ANKRD30A: variants seen among roughly 807,000 people sequenced by gnomAD.
ANKRD30A encodes the protein ankyrin repeat domain-containing protein 30A.
In ANKRD30A, 170 loss-of-function variants were observed where a neutral mutation model predicts 166.3. The observed-to-expected ratio is 1.02, with a 90% CI of 0.90 to 1.16. ANKRD30A has a LOEUF of 1.16. Among genes scored for constraint, ANKRD30A ranks in the 50% most tolerant of loss-of-function variants. The pLI is 0.00. For synonymous variants in ANKRD30A, 564 were observed against 508.9 expected, an observed-to-expected ratio of 1.11 and a Z score of -1.46; for missense variants, 1,630 against 1,518.0, an observed-to-expected ratio of 1.07 and a Z score of -1.23.
intron 13 of ANKRD30A, among the ~76,000 whole-genome samples, chr10:37,153,880 G>C (rs1283167596): frequency 1.3e-5 from 2 of 152,124 alleles, no homozygotes; most frequent in Non-Finnish European, 2.9e-5. Context: ...TTGAATTCAA[G>C]ATATTGCAAG....
At chr10:37,230,513 G>A (rs1308744967) in intron 34 of ANKRD30A, among the ~76,000 whole-genome samples, 1 of 151,968 alleles carries the variant, frequency 6.6e-6, no homozygotes, top group Non-Finnish European at 1.5e-5. Flanking sequence ...TATTTTTGAA[G>A]CATTTAATTT....
chr10:37,257,239 T>G, the ANKRD30A span, among the ~76,000 whole-genome samples: 1 of 152,106 alleles, frequency 6.6e-6, no homozygotes, highest in East Asian at 1.9e-4. Context: ...TCAGTGATGG[T>G]ATCCCCTTTA....
intron 24 of ANKRD30A, chr10:37,178,435 C>G: frequency 1.4e-6 from 1 of 730,884 alleles, no homozygotes; most frequent in Non-Finnish European, 1.7e-6. Context: ...GAGATTCAGC[C>G]GACCTGGGAT....
In ANKRD30A at chr10:37,228,323, T is replaced by TG. The variant is rs1196320608; in HGVS notation, c.4186-3137dup. Among the ~76,000 whole-genome samples the TG allele has an allele frequency of 7.9e-5, 12 of 152,116 alleles. 1 individual carries two copies. Among genetic ancestry groups the TG allele is most frequent in the African/African-American group, 2.9e-4 (12 of 41,534 alleles). ...GTTAACTTCTTCATATAGACAAACT[T>TG]GAAGTACAGTGAAGGAGAAATTGTA... On this transcript the variant is annotated intron_variant, in intron 34 of 35. Coordinates refer to ENST00000361713, the MANE Select transcript of ANKRD30A (RefSeq NM_052997.3).
intron 31 of ANKRD30A, among the ~76,000 whole-genome samples, chr10:37,207,836 A>G (rs2132711536): frequency 6.6e-6 from 1 of 152,252 alleles, no homozygotes; most frequent in South Asian, 2.1e-4. Context: ...CATAAATTTC[A>G]TTGATAGAAA....
At chr10:37,178,832 A>T (rs1839939254) in intron 24 of ANKRD30A, among the ~76,000 whole-genome samples, 1 of 150,776 alleles carries the variant, frequency 6.6e-6, no homozygotes, top group Non-Finnish European at 1.5e-5. Context: ...GAAGCCAGCT[A>T]GATGATTTTG....
chr10:37,162,782 A>G lies in ANKRD30A; in HGVS notation c.1936A>G (p.Thr646Ala). Residue 646 changes from threonine (T) to alanine (A), a missense_variant, in exon 17 of 36, where the codon ACT (threonine) becomes GCT (alanine). By Grantham distance (58) the Thr-to-Ala change is moderately conservative. Transcript: ENST00000361713. ...PGKPSAFEPA[T>A]EMQKSVPNKA... is the part of the protein sequence containing the mutation. ...TGCTTCCAACCCCATTTAGCCTGCC[A>G]CTGAAATGCAAAAGTCTGTCCCAAA... 1 of 1,613,786 alleles carries G rather than the reference A, an allele frequency of 6.2e-7. No individual in the cohort carries two copies. Among genetic ancestry groups the G allele is most frequent in the Non-Finnish European group, 8.5e-7 (1 of 1,179,794 alleles).
chr10:37,190,839 T>G (rs1242219668), intron 25 of ANKRD30A, among the ~76,000 whole-genome samples: 2 of 151,648 alleles, frequency 1.3e-5, no homozygotes, highest in Non-Finnish European at 2.9e-5. Flanking sequence ...TATATAGATG[T>G]ATGTATGTAT....
At position 37,231,467 on chromosome 10, in the gene ANKRD30A, T is replaced by G. The variant is rs1221498074; in HGVS notation, c.4192T>G (p.Ter1398GlyextTer62). ...EKEKAETENS[*>G] is the part of the protein sequence containing the mutation. The stretch of plus-strand genomic sequence containing the variant: ...CCTTTTGCAATCTTCACAGAACTCA[T>G]GAGAGACAAGCAGTAAGAAACTTCT... The change falls in exon 35 of 36, where the codon TGA becomes GGA. Residue 1398 changes from the stop codon to glycine (G), a stop_lost. Coordinates refer to ENST00000361713, the MANE Select transcript of ANKRD30A (RefSeq NM_052997.3). The G allele has an allele frequency of 1.3e-6, 2 of 1,587,876 alleles. No individual in the cohort carries two copies. Among genetic ancestry groups the G allele is most frequent in the South Asian group, 2.3e-5 (2 of 86,896 alleles).
At chr10:37,217,081 T>G (rs903721685) in intron 32 of ANKRD30A, among the ~76,000 whole-genome samples, 7 of 151,034 alleles carry the variant, frequency 4.6e-5, no homozygotes, top group African/African-American at 1.7e-4. Context: ...TCTGTCTTGT[T>G]CTAAAAGAGA....
At chr10:37,197,868 T>C (rs1841273928) in intron 29 of ANKRD30A, among the ~76,000 whole-genome samples, 1 of 152,044 alleles carries the variant, frequency 6.6e-6, no homozygotes, top group Non-Finnish European at 1.5e-5. Context: ...AACACTCGTG[T>C]TTTAACTTGA....
intron 29 of ANKRD30A, among the ~76,000 whole-genome samples, chr10:37,198,567 T>C (rs1169602723): frequency 5.3e-5 from 8 of 152,080 alleles, no homozygotes; most frequent in Admixed American, 1.3e-4. Flanking sequence ...CACCAAGAAT[T>C]TGAACTGTGC....
rs1237058559 is a variant in ANKRD30A, at chr10:37,148,801, G to A, written c.1544-850G>A. Among the ~76,000 whole-genome samples, 3 of 152,150 alleles carry A rather than the reference G, an allele frequency of 2.0e-5. No individual in the cohort carries two copies. The East Asian group carries it at 5.8e-4, about 29-fold the overall frequency. On this transcript the variant is annotated intron_variant, in intron 9 of 35. Coordinates refer to ENST00000361713, the MANE Select transcript of ANKRD30A (RefSeq NM_052997.3). ...CATTGGCTTTATATTTTAAGAAAGT[G>A]AGTTGTTTTGGTAAAATTGTCATTC...
chr10:37,222,918 T>C (rs1270878975), intron 34 of ANKRD30A, among the ~76,000 whole-genome samples: 1 of 151,518 alleles, frequency 6.6e-6, no homozygotes, highest in East Asian at 1.9e-4. Flanking sequence ...ACATGCTACC[T>C]GTTATTGTGT....
chr10:37,264,459 G>T, the ANKRD30A span: 2 of 199,704 alleles, frequency 1.0e-5, no homozygotes, highest in African/African-American at 2.3e-5. Flanking sequence ...GGATTCTGTA[G>T]TGGGTGGAGT....
At chr10:37,172,119 G>T (rs1839614659) in intron 21 of ANKRD30A, among the ~76,000 whole-genome samples, 1 of 128,832 alleles carries the variant, frequency 7.8e-6, no homozygotes, top group South Asian at 2.2e-4. Flanking sequence ...GCCGTGACTG[G>T]CAGATCACGA....
intron 34 of ANKRD30A, among the ~76,000 whole-genome samples, chr10:37,222,431 T>C (rs1353244109): frequency 6.6e-6 from 1 of 151,340 alleles, no homozygotes; most frequent in Non-Finnish European, 1.5e-5. Flanking sequence ...TTGTAGTACA[T>C]ATCAGTACTT....
At chr10:37,194,579 T>C (rs1387151204) in intron 27 of ANKRD30A, among the ~76,000 whole-genome samples, 2 of 152,054 alleles carry the variant, frequency 1.3e-5, no homozygotes, top group Admixed American at 6.6e-5. Flanking sequence ...TCTCCTGACC[T>C]TGTGATGCGC....
Position 37,218,978 on chromosome 10 carries a change from A to T in ANKRD30A, c.3268-2A>T. 6.4e-7 allele frequency: 1 copy of T among 1,559,924 alleles called. No individual in the cohort carries two copies. Reference sequence around the variant, plus strand: ...GCTAAAAGTTTATTTTGTTTTATTTAGGTTTCTCACACTCATGAAAATGAA... The same window carrying T: ...GCTAAAAGTTTATTTTGTTTTATTTTGGTTTCTCACACTCATGAAAATGAA... On this transcript the variant is annotated splice_acceptor_variant, in intron 33 of 35. Coordinates refer to ENST00000361713, the MANE Select transcript of ANKRD30A (RefSeq NM_052997.3). LOFTEE classifies it high-confidence loss of function.
Sources: gnomAD v4.1 joint callset for allele counts (sites outside exome capture counted in the v4.1 genomes callset) on GRCh38, gnomAD v4.1.1 for gene constraint, MANE v1.5 for transcripts, NCBI Gene and HGNC (gene_info 2026-07-23, HGNC 2026-07-21) for gene names.